Variants in TSPEAR observed in about 807,000 individuals in gnomAD.
The protein encoded by TSPEAR is thrombospondin-type laminin G domain and EAR repeat-containing protein.
A neutral mutation model predicts 71.6 loss-of-function variants in TSPEAR; 69 were observed. The ratio of observed to expected loss-of-function variants is 0.96; its 90% CI spans 0.79 to 1.18. TSPEAR has a LOEUF of 1.18. Ranked by LOEUF, TSPEAR falls within the 50% of genes most tolerant of loss-of-function variation. The pLI, the probability that TSPEAR is intolerant of heterozygous loss-of-function variation, is 0.00. For missense variants in TSPEAR, 971 were observed against 894.9 expected, an observed-to-expected ratio of 1.09 and a Z score of -1.09; for synonymous variants, 402 against 387.2, an observed-to-expected ratio of 1.04 and a Z score of -0.45.
intron 2 of TSPEAR, among the ~76,000 whole-genome samples, chr21:44,543,651 A>G (rs1408243125): frequency 6.6e-6 from 1 of 152,252 alleles, no homozygotes; most frequent in Non-Finnish European, 1.5e-5. Context: ...AGACATACAC[A>G]CAAAGGGAAG....
chr21:44,652,973 G>A (rs982279061), intron 1 of TSPEAR, among the ~76,000 whole-genome samples: 14 of 151,924 alleles, frequency 9.2e-5, no homozygotes, highest in South Asian at 2.1e-4. Context: ...TGGCTAACAC[G>A]GTGAAACCCC....
intron 1 of TSPEAR, among the ~76,000 whole-genome samples, chr21:44,654,937 C>T (rs76384367): frequency 1.3e-3 from 193 of 150,986 alleles, no homozygotes; most frequent in African/African-American, 2.1e-3. Context: ...AAGGTCCCCC[C>T]GTTGTAAATG....
At chr21:44,589,463 T>C (rs1555926119) in intron 1 of TSPEAR, among the ~76,000 whole-genome samples, 1 of 152,220 alleles carries the variant, frequency 6.6e-6, no homozygotes, top group Non-Finnish European at 1.5e-5. Flanking sequence ...GGCGCACAAA[T>C]CTGTGTGTGG....
In TSPEAR at chr21:44,627,440, G is replaced by A. The variant is rs781932346; in HGVS notation, c.83-59435C>T. On this transcript the variant is annotated intron_variant, in intron 1 of 11. Coordinates refer to ENST00000323084, the MANE Select transcript of TSPEAR (RefSeq NM_144991.3). ...CAGTCTAGCTGCCAGCCGGCTTACTGCACCTCCTCCCCCTGCCAGCAGGCC... is the reference window on the plus strand; with the variant it reads ...CAGTCTAGCTGCCAGCCGGCTTACTACACCTCCTCCCCCTGCCAGCAGGCC... 101 of 1,613,498 alleles carry A rather than the reference G, an allele frequency of 6.3e-5. No individual in the cohort carries two copies. The highest frequency in any genetic ancestry group is 1.6e-4 in the Middle Eastern group (1 of 6,072).
chr21:44,659,487 G>T (rs913517579), intron 1 of TSPEAR, among the ~76,000 whole-genome samples: 1 of 152,086 alleles, frequency 6.6e-6, no homozygotes. Flanking sequence ...CACACTAATG[G>T]CCTGACAGGA....
At chr21:44,654,332 A>G in intron 1 of TSPEAR, 3 of 1,614,106 alleles carry the variant, frequency 1.9e-6, no homozygotes, top group Non-Finnish European at 2.5e-6. Context: ...GTGGGGCAGA[A>G]GGGCTGGCAG....
chr21:44,699,417 G>A (rs1987543968), intron 1 of TSPEAR, among the ~76,000 whole-genome samples: 1 of 150,304 alleles, frequency 6.7e-6, no homozygotes, highest in African/African-American at 2.4e-5. Flanking sequence ...GAAAGAAAAG[G>A]GGTGCAGCCG....
chr21:44,675,763 C>T, intron 1 of TSPEAR: 1 of 517,196 alleles, frequency 1.9e-6, no homozygotes, highest in Non-Finnish European at 3.5e-6. Flanking sequence ...TACTTGTAAG[C>T]CTGCTCATGT....
At chr21:44,510,185 G>A (rs184341740) in intron 9 of TSPEAR, among the ~76,000 whole-genome samples, 1 of 152,312 alleles carries the variant, frequency 6.6e-6, no homozygotes, top group African/African-American at 2.4e-5. Flanking sequence ...AGCACCTTGG[G>A]GATAAGGGTG....
chr21:44,609,132 C>A (rs782711317), intron 1 of TSPEAR, among the ~76,000 whole-genome samples: 3 of 152,064 alleles, frequency 2.0e-5, no homozygotes, highest in African/African-American at 4.8e-5. Context: ...CCATAGAACA[C>A]GCAAAGCTAA....
chr21:44,631,081 GA>G, intron 1 of TSPEAR, among the ~76,000 whole-genome samples: 1 of 150,892 alleles, frequency 6.6e-6, no homozygotes, highest in South Asian at 2.1e-4. Flanking sequence ...AGTAAAGAAA[GA>G]AAAAAAAGCC....
Position 44,608,414 on chromosome 21 carries a change from G to A in TSPEAR, c.83-40409C>T, listed in dbSNP as rs146659102. Among the ~76,000 whole-genome samples, 8 of 152,286 alleles carry A rather than the reference G, an allele frequency of 5.3e-5. No individual in the cohort carries two copies. The East Asian group carries it at 9.7e-4, about 18-fold the overall frequency. On this transcript the variant is annotated intron_variant, in intron 1 of 11. Transcript: ENST00000323084. ...TTAGCTGGGTTGGGAGCATTCACAC[G>A]TGGACGTTGGCAAATGCAACCAATT...
chr21:44,568,059 A>G, intron 1 of TSPEAR, 54 bp from the exon 2 acceptor site: 1 of 1,397,894 alleles, frequency 7.2e-7, no homozygotes, highest in Non-Finnish European at 9.5e-7. Flanking sequence ...AAAAGTGGAT[A>G]CCCATAACAG....
intron 9 of TSPEAR, among the ~76,000 whole-genome samples, chr21:44,513,728 G>A (rs1440156021): frequency 6.6e-6 from 1 of 152,170 alleles, no homozygotes; most frequent in Non-Finnish European, 1.5e-5. Context: ...GCTTTGATAG[G>A]GCAAAGAAAG....
In TSPEAR at chr21:44,600,613, AT is replaced by A. The variant is rs782191001; in HGVS notation, c.83-32609del. ...ACTCACTCCCATCTCCTCCAGTTCA[AT>A]CCCCAGCATGGCTGCGTCCACTATG... On this transcript the variant is annotated intron_variant, in intron 1 of 11. Transcript: ENST00000323084. 35 of 1,609,934 alleles carry A rather than the reference AT, an allele frequency of 2.2e-5. No individual in the cohort carries two copies. The African/African-American group carries it at 3.6e-4, about 17-fold the overall frequency.
intron 1 of TSPEAR, among the ~76,000 whole-genome samples, chr21:44,590,993 A>G (rs1303766734): frequency 1.3e-5 from 2 of 152,076 alleles, no homozygotes; most frequent in Non-Finnish European, 2.9e-5. Flanking sequence ...GTCGACAGAG[A>G]CAGAGGGGTG....
intron 1 of TSPEAR, among the ~76,000 whole-genome samples, chr21:44,608,897 C>T (rs1981482092): frequency 6.6e-6 from 1 of 152,142 alleles, no homozygotes; most frequent in African/African-American, 2.4e-5. Context: ...GTAAAAATAT[C>T]AGTGAAAAAG....
chr21:44,603,840 A>T (rs17004684), intron 1 of TSPEAR, among the ~76,000 whole-genome samples: 1 of 152,194 alleles, frequency 6.6e-6, no homozygotes, highest in African/African-American at 2.4e-5. Flanking sequence ...AAAATGCAAA[A>T]GGCACAAATC....
At chr21:44,560,415 G>C (rs150012618) in intron 2 of TSPEAR, among the ~76,000 whole-genome samples, 5,603 of 152,172 alleles carry the variant, frequency 0.037, 356 homozygotes, top group African/African-American at 0.13. Context: ...GTCAATATTA[G>C]ACAGATCAAT....
Sources: allele counts gnomAD v4.1 joint callset (sites outside exome capture counted in the v4.1 genomes callset), GRCh38; gene constraint gnomAD v4.1.1; transcripts MANE v1.5; gene names NCBI Gene and HGNC (gene_info 2026-07-23, HGNC 2026-07-21).